WLS: variants seen among roughly 807,000 people sequenced by gnomAD.
WLS encodes the protein Wnt ligand secretion mediator.
In WLS, 23 loss-of-function variants were observed where a neutral mutation model predicts 62.8. The observed-to-expected ratio is 0.37, with a 90% CI of 0.26 to 0.52. The LOEUF (loss-of-function observed/expected upper bound fraction) is 0.52, where lower values mean the gene tolerates loss of function less well. WLS is among the 20% of genes least tolerant of loss of function. The probability of loss-of-function intolerance (pLI) is 0.92; values close to 1 mark genes in which losing one functional copy is unlikely to be tolerated. For synonymous variants in WLS, 246 were observed against 244.1 expected, an observed-to-expected ratio of 1.01 and a Z score of -0.07; for missense variants, 615 against 697.3, an observed-to-expected ratio of 0.88 and a Z score of 1.33.
chr1:68,126,507 G>A (rs561384761), intron 11 of WLS, among the ~76,000 whole-genome samples, 172 bp from the exon 12 acceptor site: 1 of 152,246 alleles, frequency 6.6e-6, no homozygotes, highest in South Asian at 2.1e-4. Flanking sequence ...CTGTTCACTT[G>A]GACTTTGCAG....
intron 2 of WLS, among the ~76,000 whole-genome samples, chr1:68,184,143 A>AT (rs1647764063): frequency 6.6e-6 from 1 of 152,194 alleles, no homozygotes; most frequent in South Asian, 2.1e-4. Flanking sequence ...ATCCATCTTG[A>AT]GGCTTTCTGC....
chr1:68,125,272 A>G (rs2100372806), downstream of WLS: 2 of 942,258 alleles, frequency 2.1e-6, no homozygotes, highest in Non-Finnish European at 1.3e-6. Flanking sequence ...ATTTGATGAT[A>G]AAGTATATCA....
intron 11 of WLS, among the ~76,000 whole-genome samples, chr1:68,108,643 A>AT (rs1005870856): frequency 2.0e-5 from 3 of 152,076 alleles, no homozygotes; most frequent in East Asian, 1.9e-4. Context: ...TTCTTTTGAG[A>AT]TTTTTTTTCA....
In WLS at chr1:68,163,205, T is replaced by C. The variant is rs980246479; in HGVS notation, c.380-3958A>G. ...CCACTATGAACCCACTATAAATCTG[T>C]ACACACTATAAATCTGTACACTATA... On this transcript the variant is annotated intron_variant, in intron 2 of 11. Coordinates refer to ENST00000262348, the MANE Select transcript of WLS (RefSeq NM_024911.7). 11 of 671,398 alleles carry C rather than the reference T, an allele frequency of 1.6e-5. No individual in the cohort carries two copies. The African/African-American group carries it at 2.0e-4, about 12-fold the overall frequency. 41.6% of individuals were successfully genotyped at this position (671,398 alleles called of 1,614,324 possible). A position where few individuals can be genotyped will look rare whatever the true frequency, so the allele number is the denominator to read the frequency against.
At chr1:68,098,544 AGT>A in exon 12 of WLS, 1 of 1,531,124 alleles carries the variant, frequency 6.5e-7, no homozygotes, top group Non-Finnish European at 8.8e-7. Context: ...AGGCTAAATG[AGT>A]GTATTTGTGT....
chr1:68,228,141 G>A (rs1048672249), intron 1 of WLS: 10 of 360,204 alleles, frequency 2.8e-5, no homozygotes, highest in Middle Eastern at 7.0e-4. Flanking sequence ...ATTTAAAAAG[G>A]CCACTCACAT....
intron 10 of WLS, among the ~76,000 whole-genome samples, chr1:68,140,984 C>T (rs1646677900): frequency 6.7e-6 from 1 of 150,142 alleles, no homozygotes; most frequent in African/African-American, 2.5e-5. Flanking sequence ...TCCGCCAAAC[C>T]CTCCCCCCTC....
Position 68,150,481 on chromosome 1 carries a change from T to A in WLS, c.804-125A>T, listed in dbSNP as rs570285810. ...ATTGGGTCTGAAGCCATATGATCAA[T>A]TTCTTCTGCACAGAGATGCAAAACG... On this transcript the variant is annotated intron_variant, in intron 5 of 11. Coordinates refer to ENST00000262348, the MANE Select transcript of WLS (RefSeq NM_024911.7). 1.1e-4 allele frequency: 149 copies of A among 1,324,102 alleles called. 2 individuals carry two copies. In the South Asian group the frequency reaches 1.4e-3, roughly 13 times the overall value. The allele number at this position is 1,324,102 out of a possible 1,614,324, so 82.0% of individuals were successfully genotyped here.
chr1:68,218,261 T>C (rs1649814605), intron 1 of WLS, among the ~76,000 whole-genome samples: 1 of 152,190 alleles, frequency 6.6e-6, no homozygotes, highest in African/African-American at 2.4e-5. Flanking sequence ...TTTCTTTGTT[T>C]TTAATTACTT....
intron 10 of WLS, among the ~76,000 whole-genome samples, chr1:68,142,423 T>A (rs1010220659): frequency 1.2e-4 from 19 of 152,210 alleles, no homozygotes; most frequent in African/African-American, 3.6e-4. Flanking sequence ...CAGGTCTGGC[T>A]GTGTCAAGTG....
Position 68,118,182 on chromosome 1 carries a change from C to T in WLS, c.1511-19429G>A, listed in dbSNP as rs187520861. On this transcript the variant is annotated intron_variant, in intron 11 of 11. Coordinates refer to the WLS transcript ENST00000354777. Reference sequence around the variant, plus strand: ...GAGAAAAGTTGAGCTACCCGTGTAACAGACAAAAGATAAATATACTAAATC... The same window carrying T: ...GAGAAAAGTTGAGCTACCCGTGTAATAGACAAAAGATAAATATACTAAATC... Among the ~76,000 whole-genome samples the T allele has an allele frequency of 7.2e-5, 11 of 152,230 alleles. No individual in the cohort carries two copies. In the East Asian group the frequency reaches 1.7e-3, roughly 24 times the overall value.
chr1:68,205,162 G>T (rs1157139268), intron 1 of WLS, among the ~76,000 whole-genome samples: 1 of 152,184 alleles, frequency 6.6e-6, no homozygotes, highest in Non-Finnish European at 1.5e-5. Context: ...TTGGGAAGAA[G>T]CCAGAGCTGC....
At chr1:68,127,476 C>T (rs956549331) in intron 11 of WLS, among the ~76,000 whole-genome samples, 4 of 152,156 alleles carry the variant, frequency 2.6e-5, no homozygotes, top group Non-Finnish European at 5.9e-5. Flanking sequence ...AAAATTTTCT[C>T]TAAGTTAAAC....
intron 11 of WLS, among the ~76,000 whole-genome samples, chr1:68,099,305 TGAAA>T (rs1324391159): frequency 1.3e-5 from 2 of 152,064 alleles, no homozygotes; most frequent in Non-Finnish European, 2.9e-5. Flanking sequence ...GGGTGAAGAA[TGAAA>T]GAAAAACAGG....
chr1:68,156,743 A>T (rs1176984032), intron 3 of WLS, among the ~76,000 whole-genome samples: 1 of 152,108 alleles, frequency 6.6e-6, no homozygotes, highest in Non-Finnish European at 1.5e-5. Context: ...AGGTCAGATG[A>T]TTCTTCCTAT....
chr1:68,225,909 G>T (rs996831277), intron 1 of WLS, among the ~76,000 whole-genome samples: 4 of 152,168 alleles, frequency 2.6e-5, no homozygotes, highest in Non-Finnish European at 5.9e-5. Context: ...CTTGCAAGTA[G>T]CAGAATCTCA....
intron 11 of WLS, among the ~76,000 whole-genome samples, chr1:68,136,600 C>A (rs534281301): frequency 2.0e-5 from 3 of 152,314 alleles, no homozygotes; most frequent in Admixed American, 2.0e-4. Flanking sequence ...CTTATTAGTG[C>A]TGATCAACTC....
intron 11 of WLS, among the ~76,000 whole-genome samples, chr1:68,127,923 CGCAGTATTA>C (rs1183255950): frequency 6.6e-6 from 1 of 152,124 alleles, no homozygotes; most frequent in Non-Finnish European, 1.5e-5. Flanking sequence ...ACGTGTGCCA[CGCAGTATTA>C]GTTTCTCATC....
chr1:68,222,598 G>T (rs1231268617), intron 1 of WLS, among the ~76,000 whole-genome samples: 2 of 152,140 alleles, frequency 1.3e-5, no homozygotes, highest in African/African-American at 2.4e-5. Flanking sequence ...GGGGCACTGA[G>T]TAGCATTAGA....
Sources: gnomAD v4.1 joint callset for allele counts (sites outside exome capture counted in the v4.1 genomes callset) on GRCh38, gnomAD v4.1.1 for gene constraint, MANE v1.5 for transcripts, NCBI Gene and HGNC (gene_info 2026-07-23, HGNC 2026-07-21) for gene names.